Variants in CNTN4 observed in about 807,000 individuals in gnomAD.
CNTN4 encodes contactin-4.
CNTN4 carries 77 observed loss-of-function variants against 122.5 expected under a neutral mutation model. That is an observed-to-expected ratio of 0.63 (90% CI 0.52 to 0.76). The LOEUF (loss-of-function observed/expected upper bound fraction) is 0.76. CNTN4 is among the 30% of genes least tolerant of loss of function. The pLI is 0.00. For synonymous variants in CNTN4, 512 were observed against 447.0 expected (o/e 1.15, Z -1.83); for missense variants, 1,256 against 1,259.1 (o/e 1.00, Z 0.04).
intron 2 of CNTN4, among the ~76,000 whole-genome samples, chr3:2,208,585 AGAATTGACTGCATTTT>A (rs961757495): frequency 5.9e-5 from 9 of 152,314 alleles, no homozygotes; most frequent in Admixed American, 3.9e-4. Context: ...AGAGTTTGAG[AGAATTGACTGCATTTT>A]GAATTGACTG....
chr3:2,250,826 A>G (rs1407870622), intron 2 of CNTN4, among the ~76,000 whole-genome samples: 2 of 151,872 alleles, frequency 1.3e-5, no homozygotes, highest in Non-Finnish European at 1.5e-5. Context: ...TCCAGAACAT[A>G]CTATCCAATG....
intron 6 of CNTN4, among the ~76,000 whole-genome samples, chr3:2,813,975 C>G (rs557213285): frequency 6.6e-6 from 1 of 152,310 alleles, no homozygotes; most frequent in East Asian, 1.9e-4. Context: ...CACTTCCTCT[C>G]TGGTCTCAAT....
Position 2,887,120 on chromosome 3 carries a change from T to G in CNTN4, c.836T>G (p.Ile279Ser), listed in dbSNP as rs542042902. 1.9e-6 allele frequency: 3 copies of G among 1,614,156 alleles called. No individual in the cohort carries two copies. The highest frequency in any genetic ancestry group is 2.7e-5 in the African/African-American group (2 of 75,058). ...RKARRHKSNG[I>S]LEIPNFQQED... is the part of the protein sequence containing the mutation. ...GCCAGAAGACACAAGTCAAATGGAATTCTTGAGATCCCTAATTTTCAGCAG... is the reference window on the plus strand; with the variant it reads ...GCCAGAAGACACAAGTCAAATGGAAGTCTTGAGATCCCTAATTTTCAGCAG... The change falls in exon 10 of 25, where the codon ATT becomes AGT. Residue 279 changes from isoleucine (I) to serine (S), a missense_variant. Transcript: ENST00000418658.
chr3:2,110,877 T>C (rs2032897724), intron 2 of CNTN4, among the ~76,000 whole-genome samples: 1 of 152,300 alleles, frequency 6.6e-6, no homozygotes, highest in African/African-American at 2.4e-5. Context: ...AATAACCTGC[T>C]TTGATAATAT....
At chr3:2,284,840 T>A (rs2041845659) in intron 2 of CNTN4, among the ~76,000 whole-genome samples, 1 of 151,882 alleles carries the variant, frequency 6.6e-6, no homozygotes, top group South Asian at 2.1e-4. Context: ...ATATTTCTGA[T>A]GTGGTAGCAT....
intron 2 of CNTN4, among the ~76,000 whole-genome samples, chr3:2,136,485 CTG>C (rs2034698462): frequency 6.6e-6 from 1 of 152,024 alleles, no homozygotes; most frequent in Admixed American, 6.6e-5. Context: ...TATTTGGGCT[CTG>C]TGTATATATT....
chr3:2,513,074 C>T (rs1263440264), intron 3 of CNTN4, among the ~76,000 whole-genome samples: 2 of 152,180 alleles, frequency 1.3e-5, no homozygotes, highest in Non-Finnish European at 2.9e-5. Flanking sequence ...AAGCAAAAGA[C>T]GGACTCTGGT....
chr3:2,892,317 G>T, intron 10 of CNTN4: 1 of 152,306 alleles, frequency 6.6e-6, no homozygotes, highest in Non-Finnish European at 1.5e-5. Context: ...AAGTAATGCT[G>T]ATGCTGCTTG....
intron 3 of CNTN4, among the ~76,000 whole-genome samples, chr3:2,444,274 T>C (rs949870034): frequency 6.7e-6 from 1 of 149,566 alleles, no homozygotes; most frequent in Non-Finnish European, 1.5e-5. Flanking sequence ...AAAAGTGCTA[T>C]GAAGATAAAA....
intron 13 of CNTN4, among the ~76,000 whole-genome samples, chr3:2,939,938 C>T (rs2094598640): frequency 1.3e-5 from 2 of 152,232 alleles, no homozygotes; most frequent in Admixed American, 6.5e-5. Context: ...AATATTTACA[C>T]CATGGAAATA....
intron 4 of CNTN4, among the ~76,000 whole-genome samples, chr3:2,589,316 C>G (rs545322706): frequency 1.3e-5 from 2 of 152,262 alleles, no homozygotes; most frequent in African/African-American, 2.4e-5. Context: ...CTTGGAATTC[C>G]TTTAGTTTCA....
chr3:2,385,416 A>G lies in CNTN4; in HGVS notation c.-89+46183A>G, dbSNP rs776842253. ...CCTTTTCTCCACTATTACCTGAGCA[A>G]TATTCCTGGTGTCTTGTTCATAGCA... is the stretch of plus-strand genomic sequence containing the variant. On this transcript the variant is annotated intron_variant, in intron 3 of 24. Coordinates refer to ENST00000418658, the MANE Select transcript of CNTN4 (RefSeq NM_175607.3). This position sits in a 1 kb window ranked among gnomAD's most constrained non-coding sequence, Gnocchi z 4.0. 3.0e-4 allele frequency among the ~76,000 whole-genome samples: 46 copies of G among 152,078 alleles called. No homozygotes were observed. The highest frequency in any genetic ancestry group is 5.7e-4 in the Non-Finnish European group (39 of 68,032).
intron 2 of CNTN4, among the ~76,000 whole-genome samples, chr3:2,163,874 G>GTT (rs2036070577): frequency 1.3e-5 from 2 of 152,136 alleles, no homozygotes; most frequent in Non-Finnish European, 2.9e-5. Context: ...TGGTGAAAAG[G>GTT]TAACACTTTT....
At chr3:2,756,192 T>C (rs566198902) in intron 6 of CNTN4, among the ~76,000 whole-genome samples, 1 of 152,344 alleles carries the variant, frequency 6.6e-6, no homozygotes, top group African/African-American at 2.4e-5. Flanking sequence ...GTGATTTGAA[T>C]GGTACCTGCT....
At chr3:2,545,977 C>T (rs2078228295) in intron 3 of CNTN4, among the ~76,000 whole-genome samples, 1 of 152,028 alleles carries the variant, frequency 6.6e-6, no homozygotes, top group African/African-American at 2.4e-5. Flanking sequence ...TACCATCTCA[C>T]ACCACTCAAA....
chr3:2,896,460 C>T (rs892163486), intron 10 of CNTN4, among the ~76,000 whole-genome samples: 2 of 152,082 alleles, frequency 1.3e-5, no homozygotes, highest in African/African-American at 2.4e-5. Context: ...ATTATCAGTG[C>T]TGAACAAACA....
chr3:2,940,551 T>C (rs2094605076), intron 13 of CNTN4, among the ~76,000 whole-genome samples: 2 of 152,088 alleles, frequency 1.3e-5, no homozygotes, highest in Admixed American at 6.6e-5. Flanking sequence ...GATTGGGGAA[T>C]ATTTATAGCT....
At chr3:2,604,431 A>G (rs372462464) in intron 4 of CNTN4, among the ~76,000 whole-genome samples, 4 of 152,326 alleles carry the variant, frequency 2.6e-5, no homozygotes, top group African/African-American at 9.6e-5. Context: ...AAAAATAGGT[A>G]AGGCTGATCT....
intron 14 of CNTN4, among the ~76,000 whole-genome samples, chr3:3,017,645 T>C (rs1213582432): frequency 6.6e-6 from 1 of 152,164 alleles, no homozygotes; most frequent in Non-Finnish European, 1.5e-5. Flanking sequence ...CTGTACAGTA[T>C]TGGGTGCAAT....
Sources: allele counts gnomAD v4.1 joint callset (sites outside exome capture counted in the v4.1 genomes callset), GRCh38; gene constraint gnomAD v4.1.1; non-coding constraint Gnocchi (gnomAD v3.1); transcripts MANE v1.5; gene names NCBI Gene and HGNC (gene_info 2026-07-23, HGNC 2026-07-21).